Variants in CSMD1 observed in about 807,000 individuals in gnomAD.
The protein encoded by CSMD1 is CUB and Sushi multiple domains 1.
Under a neutral mutation model 417.5 loss-of-function variants are expected in CSMD1, and 213 were observed. That is an observed-to-expected ratio of 0.51 (90% confidence interval 0.46 to 0.57). The LOEUF is 0.57. Ranked by LOEUF, CSMD1 falls within the 20% of genes least tolerant of loss-of-function variation. The pLI is 0.00. For missense variants in CSMD1, 6,923 were observed against 4,529.7 expected (o/e 1.53, Z -15.17); for synonymous variants, 2,862 against 1,736.8 (o/e 1.65, Z -16.11).
chr8:4,935,945 T>G (rs1007618736), intron 1 of CSMD1, among the ~76,000 whole-genome samples: 1 of 152,208 alleles, frequency 6.6e-6, no homozygotes, highest in African/African-American at 2.4e-5. Context: ...TCAGAACAGT[T>G]AGTACTTACA....
intron 1 of CSMD1, among the ~76,000 whole-genome samples, chr8:4,829,134 G>C (rs545817025): frequency 2.6e-5 from 4 of 152,114 alleles, no homozygotes; most frequent in Non-Finnish European, 5.9e-5. Context: ...AGTCCTTTTG[G>C]TTTATGATTG....
intron 1 of CSMD1, among the ~76,000 whole-genome samples, chr8:4,891,177 T>C (rs910423977): frequency 6.6e-6 from 1 of 152,060 alleles, no homozygotes; most frequent in Non-Finnish European, 1.5e-5. Context: ...TTTCTGAAAA[T>C]ACATCTGGAA....
chr8:4,191,197 C>G (rs975759452), intron 3 of CSMD1, among the ~76,000 whole-genome samples: 2 of 152,260 alleles, frequency 1.3e-5, no homozygotes, highest in East Asian at 3.9e-4. Context: ...GAGATTGAGA[C>G]CATCCCGGCT....
At chr8:4,548,564 C>T (rs1023352514) in intron 2 of CSMD1, among the ~76,000 whole-genome samples, 3 of 152,138 alleles carry the variant, frequency 2.0e-5, no homozygotes, top group African/African-American at 7.2e-5. Context: ...AATGCACAAG[C>T]TTTTCTTTTT....
intron 7 of CSMD1, among the ~76,000 whole-genome samples, chr8:3,676,561 T>C (rs956515367): frequency 1.3e-5 from 2 of 152,214 alleles, no homozygotes; most frequent in Non-Finnish European, 2.9e-5. Context: ...ATGTTCTCCC[T>C]TACCATTAAA....
chr8:4,241,990 T>C (rs954731313), intron 3 of CSMD1, among the ~76,000 whole-genome samples: 7 of 152,208 alleles, frequency 4.6e-5, no homozygotes, highest in Admixed American at 1.3e-4. Context: ...AACAGTGCTT[T>C]AAAGTAAATG....
At chr8:3,772,361 A>ATACATATG (rs1256109861) in intron 5 of CSMD1, among the ~76,000 whole-genome samples, 24 of 112,700 alleles carry the variant, frequency 2.1e-4, no homozygotes, top group Admixed American at 2.8e-4. Flanking sequence ...ATATTTATAT[A>ATACATATG]TACATATATA....
intron 1 of CSMD1, among the ~76,000 whole-genome samples, chr8:4,768,890 G>C (rs1164222973): frequency 1.3e-5 from 2 of 152,160 alleles, no homozygotes; most frequent in African/African-American, 4.8e-5. Context: ...CTTTTTCCTA[G>C]CCGAGTCTTC....
chr8:3,781,231 T>C (rs1261176995), intron 5 of CSMD1, among the ~76,000 whole-genome samples: 5 of 152,166 alleles, frequency 3.3e-5, no homozygotes, highest in Non-Finnish European at 5.9e-5. Flanking sequence ...ATTGCACCTG[T>C]TCAATTTTGT....
chr8:4,771,526 T>A (rs2117147293), intron 1 of CSMD1, among the ~76,000 whole-genome samples: 1 of 152,354 alleles, frequency 6.6e-6, no homozygotes, highest in African/African-American at 2.4e-5. Context: ...TAGAAGTTAT[T>A]AGTTTGCTGC....
chr8:3,730,855 A>G (rs1031345614), intron 6 of CSMD1, among the ~76,000 whole-genome samples: 2 of 152,194 alleles, frequency 1.3e-5, no homozygotes, highest in African/African-American at 2.4e-5. Context: ...AAATTATGCT[A>G]GAGGTGATAA....
chr8:3,043,657 G>C (rs763558864), intron 50 of CSMD1: 12 of 152,032 alleles, frequency 7.9e-5, no homozygotes, highest in Non-Finnish European at 1.6e-4. Context: ...TTAGAACTTA[G>C]GGGTTTTTTT....
chr8:3,843,668 A>G (rs994331374), intron 5 of CSMD1, among the ~76,000 whole-genome samples: 2 of 152,200 alleles, frequency 1.3e-5, no homozygotes, highest in Non-Finnish European at 2.9e-5. Flanking sequence ...CAGGCCACGG[A>G]GTGAGTGACG....
chr8:4,623,909 T>C lies in CSMD1; in HGVS notation c.302+13433A>G, dbSNP rs569874770. On this transcript the variant is annotated intron_variant, in intron 2 of 69. Coordinates refer to ENST00000635120, the MANE Select transcript of CSMD1 (RefSeq NM_033225.6). ...GTGGGTGATAGAAATATTCGTTAGC[T>C]TGATGGTGGTGGTGTTCCACGGTTG... 3.3e-4 allele frequency among the ~76,000 whole-genome samples: 51 copies of C among 152,270 alleles called. 1 individual carries two copies. The highest frequency in any genetic ancestry group is 7.1e-4 in the Non-Finnish European group (48 of 68,010).
intron 3 of CSMD1, among the ~76,000 whole-genome samples, chr8:4,072,158 T>C (rs1210668567): frequency 6.6e-6 from 1 of 152,246 alleles, no homozygotes; most frequent in Non-Finnish European, 1.5e-5. Context: ...TCTTTTCAAC[T>C]TTCTAGTGCT....
chr8:4,349,142 C>T (rs141107718), intron 3 of CSMD1, among the ~76,000 whole-genome samples: 119 of 152,288 alleles, frequency 7.8e-4, no homozygotes, highest in African/African-American at 2.6e-3. Context: ...AATCCGAATA[C>T]AGAGCTTGCA....
At chr8:3,761,068 G>A (rs553274365) in intron 5 of CSMD1, among the ~76,000 whole-genome samples, 2 of 152,254 alleles carry the variant, frequency 1.3e-5, no homozygotes, top group African/African-American at 2.4e-5. Context: ...CAAACAGAGA[G>A]TTCCTGACAT....
At chr8:3,489,631 A>G (rs1818257993) in intron 11 of CSMD1, among the ~76,000 whole-genome samples, 1 of 151,960 alleles carries the variant, frequency 6.6e-6, no homozygotes, top group East Asian at 1.9e-4. Context: ...TCCTTCAACC[A>G]CCTCTCAGGG....
At chr8:3,277,920 T>G (rs1053252035) in intron 26 of CSMD1, among the ~76,000 whole-genome samples, 1 of 152,188 alleles carries the variant, frequency 6.6e-6, no homozygotes, top group African/African-American at 2.4e-5. Context: ...ACAGTTCAAA[T>G]TGGTACACAT....
Sources: gnomAD v4.1 joint callset for allele counts (sites outside exome capture counted in the v4.1 genomes callset) on GRCh38, gnomAD v4.1.1 for gene constraint, MANE v1.5 for transcripts, NCBI Gene and HGNC (gene_info 2026-07-23, HGNC 2026-07-21) for gene names.